Variants in ZNF136 observed in about 807,000 individuals in gnomAD.
ZNF136 encodes the protein zinc finger protein 136 (clone pHZ-20).
In ZNF136, 8 loss-of-function variants were observed where a neutral mutation model predicts 11.4. The observed-to-expected ratio is 0.70, with a 90% CI of 0.41 to 1.27. ZNF136 has a LOEUF of 1.27. ZNF136 is among the 50% of genes most tolerant of loss of function. The pLI is 0.01. For synonymous variants in ZNF136, 190 were observed against 207.1 expected, an observed-to-expected ratio of 0.92 and a Z score of 0.71; for missense variants, 590 against 656.5, an observed-to-expected ratio of 0.90 and a Z score of 1.11.
At chr19:12,165,889 C>G (rs531302928) in intron 1 of ZNF136, among the ~76,000 whole-genome samples, 1 of 152,162 alleles carries the variant, frequency 6.6e-6, no homozygotes, top group South Asian at 2.1e-4. Flanking sequence ...TCAGACTTAG[C>G]GGTGTGACCT....
intron 1 of ZNF136, among the ~76,000 whole-genome samples, chr19:12,164,439 C>CT (rs61233117): frequency 0.031 from 3,773 of 122,696 alleles, 206 homozygotes; most frequent in African/African-American, 0.043. Flanking sequence ...TCCCAGATAA[C>CT]TTTTTTTTTT....
chr19:12,165,792 T>G (rs886385816), intron 1 of ZNF136, among the ~76,000 whole-genome samples: 17 of 152,222 alleles, frequency 1.1e-4, no homozygotes, highest in African/African-American at 4.1e-4. Flanking sequence ...TTTTGTGTAT[T>G]TATGGAGATG....
chr19:12,181,935 A>AT (rs1285029244), intron 1 of ZNF136, among the ~76,000 whole-genome samples: 2 of 151,584 alleles, frequency 1.3e-5, no homozygotes, highest in Non-Finnish European at 2.9e-5. Context: ...GCGCCCGGCC[A>AT]TTTTTTTGTG....
At chr19:12,169,943 T>C (rs533765803) in intron 1 of ZNF136, among the ~76,000 whole-genome samples, 122 of 151,884 alleles carry the variant, frequency 8.0e-4, no homozygotes, top group South Asian at 2.7e-3. Flanking sequence ...TACAGGCGCC[T>C]GCCACCACGT....
chr19:12,176,279 T>A (rs1272347528), intron 1 of ZNF136, among the ~76,000 whole-genome samples: 1 of 152,140 alleles, frequency 6.6e-6, no homozygotes, highest in South Asian at 2.1e-4. Flanking sequence ...GGGCCTATGA[T>A]GAGGTTTGTG....
chr19:12,172,427 A>G (rs1914680885), intron 1 of ZNF136, among the ~76,000 whole-genome samples: 1 of 152,044 alleles, frequency 6.6e-6, no homozygotes, highest in Non-Finnish European at 1.5e-5. Context: ...TAGATGTTAT[A>G]CCCATGACCA....
chr19:12,174,157 G>A (rs889222951), intron 1 of ZNF136, among the ~76,000 whole-genome samples: 2 of 152,108 alleles, frequency 1.3e-5, no homozygotes, highest in African/African-American at 2.4e-5. Flanking sequence ...TGCCCGCCTC[G>A]GCCTCCCAAA....
chr19:12,174,085 A>G (rs2145632462), intron 1 of ZNF136, among the ~76,000 whole-genome samples: 1 of 152,084 alleles, frequency 6.6e-6, no homozygotes, highest in Non-Finnish European at 1.5e-5. Context: ...TTTTATTTTT[A>G]GTAGAGATGG....
chr19:12,181,210 C>T (rs927359126), intron 1 of ZNF136, among the ~76,000 whole-genome samples: 1 of 152,168 alleles, frequency 6.6e-6, no homozygotes, highest in Non-Finnish European at 1.5e-5. Context: ...TGGGAAATGG[C>T]AAGTGTGCAG....
In ZNF136 at chr19:12,187,866, G is replaced by C. The variant is rs1262666273; in HGVS notation, c.1488G>C (p.Arg496Ser). ...RSSSSFRLHE[R>S]THTGQKPYHC... is the part of the protein sequence containing the mutation. Reference sequence around the variant, plus strand: ...CTAGTTCCTTTCGACTACATGAAAGGACTCACACTGGACAGAAACCCTATC... The same window carrying C: ...CTAGTTCCTTTCGACTACATGAAAGCACTCACACTGGACAGAAACCCTATC... The change falls in exon 4 of 4, where the codon AGG becomes AGC. Residue 496 changes from arginine (R) to serine (S), a missense_variant. Arg to Ser is a moderately radical substitution (Grantham distance 110, BLOSUM62 -1). Coordinates refer to ENST00000343979, the MANE Select transcript of ZNF136 (RefSeq NM_003437.5). 2.5e-6 allele frequency: 4 copies of C among 1,603,312 alleles called. No homozygotes were observed. The highest frequency in any genetic ancestry group is 3.4e-6 in the Non-Finnish European group (4 of 1,176,770).
At position 12,170,150 on chromosome 19, in the gene ZNF136, A is replaced by G. The variant is rs375790564; in HGVS notation, c.3+6944A>G. ...TCGCTGTGTTAGCCAGGGTGGTCTC[A>G]ATCTCCTGACCTTGTGATTCACCCA... On this transcript the variant is annotated intron_variant, in intron 1 of 3. Coordinates refer to ENST00000343979, the MANE Select transcript of ZNF136 (RefSeq NM_003437.5). 1.6e-3 allele frequency among the ~76,000 whole-genome samples: 189 copies of G among 121,322 alleles called. 1 individual carries two copies. Among genetic ancestry groups the G allele is most frequent in the Admixed American group, 3.7e-3 (46 of 12,508 alleles). The allele number at this position is 121,322 out of a possible 152,430, so 79.6% of individuals were successfully genotyped here.
At chr19:12,173,139 G>A (rs1289788676) in intron 1 of ZNF136, among the ~76,000 whole-genome samples, 1 of 152,088 alleles carries the variant, frequency 6.6e-6, no homozygotes, top group Non-Finnish European at 1.5e-5. Flanking sequence ...AGGGAATTGT[G>A]GGCCAAATCC....
intron 1 of ZNF136, among the ~76,000 whole-genome samples, chr19:12,181,052 C>T (rs762769998): frequency 5.9e-5 from 9 of 152,340 alleles, no homozygotes; most frequent in South Asian, 2.1e-4. Context: ...CCACCCTGTA[C>T]GATCTTGTGG....
chr19:12,163,556 C>T (rs1225061269), intron 1 of ZNF136, among the ~76,000 whole-genome samples: 2 of 152,188 alleles, frequency 1.3e-5, no homozygotes, highest in Non-Finnish European at 2.9e-5. Flanking sequence ...CTTTTCTCTC[C>T]ACAGAGGACA....
intron 1 of ZNF136, among the ~76,000 whole-genome samples, chr19:12,168,836 C>T (rs971693342): frequency 2.0e-4 from 30 of 151,962 alleles, no homozygotes; most frequent in Non-Finnish European, 2.9e-4. Context: ...CCACCAGGCC[C>T]GGCTAATTTT....
intron 1 of ZNF136, among the ~76,000 whole-genome samples, chr19:12,168,057 C>CTTTTTCTTTTTTTTTTTTTTTTTTT (rs1914527115): frequency 1.4e-5 from 1 of 71,104 alleles, no homozygotes; most frequent in African/African-American, 5.8e-5. Flanking sequence ...TTTTCTTTTT[C>CTTTTTCTTTTTTTTTTTTTTTTTTT]TTTTTTTTTT....
chr19:12,185,964 T>G, intron 2 of ZNF136, 53 bp downstream of exon 2: 3 of 1,610,148 alleles, frequency 1.9e-6, no homozygotes, highest in Non-Finnish European at 2.5e-6. Context: ...GTGCTTCTTG[T>G]GCAGTGATGC....
At chr19:12,178,955 C>T (rs1220678268) in intron 1 of ZNF136, among the ~76,000 whole-genome samples, 1 of 150,902 alleles carries the variant, frequency 6.6e-6, no homozygotes, top group African/African-American at 2.4e-5. Context: ...TGCCACTGCA[C>T]TCCAGCCTGG....
chr19:12,184,731 A>C (rs1045577339), intron 1 of ZNF136: 5 of 152,076 alleles, frequency 3.3e-5, no homozygotes, highest in African/African-American at 9.7e-5. Flanking sequence ...TGCTTCCTGG[A>C]GTGTTTCTGG....
Sources: gnomAD v4.1 joint callset for allele counts (sites outside exome capture counted in the v4.1 genomes callset) on GRCh38, gnomAD v4.1.1 for gene constraint, MANE v1.5 for transcripts, NCBI Gene and HGNC (gene_info 2026-07-23, HGNC 2026-07-21) for gene names.